Variants in KIF26A observed in about 807,000 individuals in gnomAD.
KIF26A encodes kinesin family member 26A.
Under a neutral mutation model 126.0 loss-of-function variants are expected in KIF26A, and 74 were observed. The observed-to-expected ratio is 0.59, with a 90% CI of 0.49 to 0.71. KIF26A has a LOEUF of 0.71. KIF26A is among the 30% of genes least tolerant of loss of function. KIF26A has a pLI of 0.00. For missense variants in KIF26A, 2,984 were observed against 2,763.3 expected, an observed-to-expected ratio of 1.08 and a Z score of -1.79; for synonymous variants, 1,445 against 1,232.7, an observed-to-expected ratio of 1.17 and a Z score of -3.61.
At chr14:104,158,973 A>T (rs759753370) in intron 4 of KIF26A, among the ~76,000 whole-genome samples, 100 of 152,182 alleles carry the variant, frequency 6.6e-4, no homozygotes, top group Non-Finnish European at 1.3e-3. Flanking sequence ...CATGCATCAC[A>T]CCCAGCGGCC....
At chr14:104,174,099 C>G (rs192336798) in intron 10 of KIF26A, 49 bp from the exon 11 acceptor site, 1 of 1,486,622 alleles carries the variant, frequency 6.7e-7, no homozygotes, top group Non-Finnish European at 9.0e-7. Context: ...AGCCTGTCCC[C>G]GAAGCTCCCT....
intron 4 of KIF26A, among the ~76,000 whole-genome samples, chr14:104,161,277 C>T (rs541571073): frequency 6.3e-4 from 70 of 110,896 alleles, no homozygotes; most frequent in African/African-American, 2.0e-3. Context: ...GGGGCAGGTC[C>T]GGCAGGTGGC....
intron 2 of KIF26A, among the ~76,000 whole-genome samples, chr14:104,150,777 G>A (rs1450404205): frequency 1.3e-5 from 2 of 152,230 alleles, no homozygotes; most frequent in East Asian, 3.8e-4. Flanking sequence ...GACTGCCTGG[G>A]GCCAGGTTTC....
intron 2 of KIF26A, among the ~76,000 whole-genome samples, chr14:104,147,320 C>T (rs944814208): frequency 6.6e-6 from 1 of 152,218 alleles, no homozygotes; most frequent in Non-Finnish European, 1.5e-5. Flanking sequence ...GTCTGTGCCC[C>T]GAGCTGCCCA....
At position 104,177,328 on chromosome 14, in the gene KIF26A, T is replaced by C; in HGVS notation, c.4540T>C (p.Ser1514Pro). 6.6e-7 allele frequency: 1 copy of C among 1,523,684 alleles called. No homozygotes were observed. Among genetic ancestry groups the C allele is most frequent in the Non-Finnish European group, 8.8e-7 (1 of 1,139,334 alleles). 94.4% of individuals were successfully genotyped at this position (1,523,684 alleles called of 1,614,324 possible). Residue 1514 changes from serine (S) to proline (P), a missense_variant, in exon 12 of 15, where the codon TCG becomes CCG. Ser to Pro is a moderately conservative substitution (Grantham distance 74, BLOSUM62 -1). Transcript: ENST00000423312. ...VAGGSRALGP[S>P]VKLSTASVTG... is the part of the protein sequence containing the mutation. ...TGGTGGGTCGCGGGCTCTGGGGCCT[T>C]CGGTGAAGCTGTCTACGGCCTCTGT...
At chr14:104,165,136 T>G (rs975417340) in intron 4 of KIF26A, among the ~76,000 whole-genome samples, 1 of 116,140 alleles carries the variant, frequency 8.6e-6, no homozygotes, top group Non-Finnish European at 1.7e-5. Flanking sequence ...TATATGTCTC[T>G]GTGTGTTTCT....
At chr14:104,142,947 T>A (rs1272070149) in intron 2 of KIF26A, among the ~76,000 whole-genome samples, 7 of 152,190 alleles carry the variant, frequency 4.6e-5, no homozygotes, top group African/African-American at 1.7e-4. Flanking sequence ...CCATGGAGGA[T>A]GACCATCCCC....
Position 104,178,721 on chromosome 14 carries a change from GGCCCC to G in KIF26A, c.5288_5292del (p.Arg1763HisfsTer39), listed in dbSNP as rs1566867571. The G allele has an allele frequency of 6.4e-7, 1 of 1,554,864 alleles. No individual in the cohort carries two copies. Among genetic ancestry groups the G allele is most frequent in the Non-Finnish European group, 8.7e-7 (1 of 1,148,586 alleles). On this transcript the variant is annotated frameshift_variant, in exon 13 of 15. Transcript: ENST00000423312. LOFTEE classifies it high-confidence loss of function. ...ATCGATGACGTGGAGCGCCTTCAGC[GGCCCC>G]GCCCCACCCCGAGGGAGGCCCCCAC...
At chr14:104,153,381 T>C (rs901007190) in intron 3 of KIF26A, among the ~76,000 whole-genome samples, 1 of 146,984 alleles carries the variant, frequency 6.8e-6, no homozygotes. Context: ...CCTGTGGCCT[T>C]GGCACCTACA....
Position 104,166,982 on chromosome 14 carries a change from C to G in KIF26A, c.1047C>G (p.Pro349=). 1 of 1,583,892 alleles carries G rather than the reference C, an allele frequency of 6.3e-7. No individual in the cohort carries two copies. The highest frequency in any genetic ancestry group is 8.6e-7 in the Non-Finnish European group (1 of 1,166,106). Residue 349 remains proline (P), a synonymous_variant, in exon 5 of 15, where the codon CCC becomes CCG. Coordinates refer to ENST00000423312, the MANE Select transcript of KIF26A (RefSeq NM_015656.2). Reference sequence around the variant, plus strand: ...GCGGGGTCCTGCAGCTGTGGCCGCCCCCGGCGCCCCCCTGCCTGCTCAGGG... The same window carrying G: ...GCGGGGTCCTGCAGCTGTGGCCGCCGCCGGCGCCCCCCTGCCTGCTCAGGG... The part of the protein sequence containing the change: ...DFSGVLQLWP[P]PAPPCLLRAA...
intron 3 of KIF26A, among the ~76,000 whole-genome samples, chr14:104,154,618 G>C (rs1208560236): frequency 6.6e-6 from 1 of 152,240 alleles, no homozygotes; most frequent in Non-Finnish European, 1.5e-5. Flanking sequence ...TGCCCTGAGA[G>C]CTCTGGACAG....
rs551671883 is a variant in KIF26A, at chr14:104,159,010, G to T, written c.923+1068G>T. ...GAGACGAGGGCGTCTTATCAGCGCC[G>T]GCCCTGGGGACCGTGTGGTCTGATT... On this transcript the variant is annotated intron_variant, in intron 4 of 14. Transcript: ENST00000423312. Among the ~76,000 whole-genome samples the T allele has an allele frequency of 7.9e-5, 12 of 152,330 alleles. No homozygotes were observed. The East Asian group carries it at 2.3e-3, about 29-fold the overall frequency.
At chr14:104,168,860 C>T (rs890693045) in intron 5 of KIF26A, among the ~76,000 whole-genome samples, 2 of 131,408 alleles carry the variant, frequency 1.5e-5, no homozygotes, top group East Asian at 2.2e-4. Context: ...TGGGGTGAGG[C>T]GGGGGTGGTG....
intron 3 of KIF26A, among the ~76,000 whole-genome samples, chr14:104,153,856 C>T (rs34161718): frequency 0.16 from 25,114 of 152,218 alleles, 2,718 homozygotes; most frequent in Middle Eastern, 0.26. Context: ...AGGGTCCCAG[C>T]GGGTGGGGGT....
In KIF26A at chr14:104,174,209, A is replaced by G. The variant is rs771628078; in HGVS notation, c.2092A>G (p.Met698Val). ...GGCCACCGCTGGCTGCCGCACCACC[A>G]TGATCGCCCACGTGTCGGATGCGCC... ...SLATAGCRTT[M>V]IAHVSDAPAQ... The change falls in exon 11 of 15, where the codon ATG becomes GTG. Residue 698 changes from methionine to valine, a missense_variant. Met to Val is a conservative substitution (Grantham distance 21, BLOSUM62 1). Coordinates refer to ENST00000423312, the MANE Select transcript of KIF26A (RefSeq NM_015656.2). The G allele has an allele frequency of 6.3e-7, 1 of 1,586,648 alleles. No individual in the cohort carries two copies. Among genetic ancestry groups the G allele is most frequent in the Non-Finnish European group, 8.6e-7 (1 of 1,167,764 alleles).
At chr14:104,169,317 C>T (rs758640920) in intron 5 of KIF26A, among the ~76,000 whole-genome samples, 6 of 152,216 alleles carry the variant, frequency 3.9e-5, no homozygotes, top group Non-Finnish European at 7.3e-5. Flanking sequence ...CCAGTTGGGG[C>T]GGGGGGCAGA....
rs750129095 is a variant in KIF26A at position 104,173,457 on chromosome 14, T to C, written c.1811T>C (p.Met604Thr). 5.7e-6 allele frequency: 9 copies of C among 1,589,830 alleles called. No homozygotes were observed. Among genetic ancestry groups the C allele is most frequent in the East Asian group, 2.3e-5 (1 of 43,818 alleles). ...CGEDARRSSH[M>T]LFTLHVYQYR... ...GAGGACGCCCGACGCAGCTCCCACATGTTGTTCACGCTGCACGTCTACCAG... is the reference window on the plus strand; with the variant it reads ...GAGGACGCCCGACGCAGCTCCCACACGTTGTTCACGCTGCACGTCTACCAG... Residue 604 changes from methionine (M) to threonine (T), a missense_variant, in exon 9 of 15, where the codon ATG becomes ACG. Physicochemically the swap from Met to Thr is moderately conservative, Grantham distance 81 (BLOSUM62 -1). Coordinates refer to ENST00000423312, the MANE Select transcript of KIF26A (RefSeq NM_015656.2).
At chr14:104,174,026 C>G (rs1221582972) in intron 10 of KIF26A, 122 bp from the exon 11 acceptor site, 1 of 1,404,048 alleles carries the variant, frequency 7.1e-7, no homozygotes, top group Non-Finnish European at 9.4e-7. Context: ...TGCCTGGGGC[C>G]CCACGCTGGG....
Position 104,173,133 on chromosome 14 carries a change from G to A in KIF26A, c.1577G>A (p.Arg526His), listed in dbSNP as rs746308541. 28 of 1,609,140 alleles carry A rather than the reference G, an allele frequency of 1.7e-5. No individual in the cohort carries two copies. Among genetic ancestry groups the A allele is most frequent in the African/African-American group, 2.7e-5 (2 of 74,876 alleles). The change falls in exon 8 of 15, where the codon CGC (arginine) becomes CAC (histidine). Residue 526 changes from arginine (R) to histidine (H), a missense_variant. Transcript: ENST00000423312. ...GTCTCAGCCGTGGAGGTGTGCGGGC[G>A]CGACCAGAGCCTGCGGGACCTGCTG... ...VRVSAVEVCGRDQSLRDLLAE... is the reference protein window; with the variant it reads ...VRVSAVEVCGHDQSLRDLLAE...
Sources: gnomAD v4.1 joint callset for allele counts (sites outside exome capture counted in the v4.1 genomes callset) on GRCh38, gnomAD v4.1.1 for gene constraint, MANE v1.5 for transcripts, NCBI Gene and HGNC (gene_info 2026-07-23, HGNC 2026-07-21) for gene names.